Variants in KLHL1 observed in about 807,000 individuals in gnomAD.
KLHL1 encodes kelch like family member 1.
A neutral mutation model predicts 77.7 loss-of-function variants in KLHL1; 47 were observed. The observed-to-expected ratio is 0.60, with a 90% CI of 0.48 to 0.77. The LOEUF (loss-of-function observed/expected upper bound fraction) is 0.77. Among genes scored for constraint, KLHL1 ranks in the 30% least tolerant of loss-of-function variants. KLHL1 has a pLI of 0.00. For synonymous variants in KLHL1, 360 were observed against 325.2 expected, an observed-to-expected ratio of 1.11 and a Z score of -1.15; for missense variants, 925 against 910.8, an observed-to-expected ratio of 1.02 and a Z score of -0.20.
chr13:70,071,834 A>G (rs1404194605), intron 1 of KLHL1, among the ~76,000 whole-genome samples: 1 of 152,116 alleles, frequency 6.6e-6, no homozygotes, highest in Non-Finnish European at 1.5e-5. Flanking sequence ...AATACAGTAC[A>G]TACAGCAAAA....
intron 6 of KLHL1, among the ~76,000 whole-genome samples, chr13:69,807,223 T>C (rs185409773): frequency 3.6e-4 from 55 of 152,108 alleles, no homozygotes; most frequent in South Asian, 2.9e-3. Flanking sequence ...TCCCCATGGC[T>C]TCTTGTTGAC....
At chr13:70,070,838 G>A (rs1887121275) in intron 1 of KLHL1, among the ~76,000 whole-genome samples, 1 of 152,084 alleles carries the variant, frequency 6.6e-6, no homozygotes, top group Non-Finnish European at 1.5e-5. Context: ...GCAGTAGAGT[G>A]TTATTGCAAT....
chr13:69,735,863 A>G (rs1260018324), intron 8 of KLHL1, among the ~76,000 whole-genome samples: 1 of 152,014 alleles, frequency 6.6e-6, no homozygotes, highest in Admixed American at 6.6e-5. Context: ...AGGATAACTA[A>G]CTAAAAGAAA....
chr13:70,077,586 T>C (rs905852072), intron 1 of KLHL1, among the ~76,000 whole-genome samples: 1 of 151,968 alleles, frequency 6.6e-6, no homozygotes, highest in African/African-American at 2.4e-5. Flanking sequence ...AACCCATAGA[T>C]TTTGGATAAT....
chr13:70,072,333 T>C (rs1887155876), intron 1 of KLHL1, among the ~76,000 whole-genome samples: 1 of 152,164 alleles, frequency 6.6e-6, no homozygotes, highest in Middle Eastern at 3.2e-3. Context: ...AATGCCCAGA[T>C]GTTTTTACTG....
chr13:70,015,835 G>A (rs1266849857), intron 1 of KLHL1, among the ~76,000 whole-genome samples: 1 of 152,092 alleles, frequency 6.6e-6, no homozygotes, highest in Non-Finnish European at 1.5e-5. Context: ...TGTACAAACT[G>A]TATACATGTG....
intron 2 of KLHL1, among the ~76,000 whole-genome samples, chr13:69,966,818 A>G (rs2210442): frequency 0.99 from 151,446 of 152,222 alleles, 75,342 homozygotes; most frequent in East Asian, 1. Context: ...CTATGTCCAT[A>G]TAATCACAGC....
Position 69,764,929 on chromosome 13 carries a change from C to CTTTTTTTTTTTTTTTTTTTTTTT in KLHL1, c.1640-24396_1640-24374dup, listed in dbSNP as rs71196263. On this transcript the variant is annotated intron_variant, in intron 7 of 10. Transcript: ENST00000377844. ...TCTCATGCTTTCATGTATATCTTTGCTTTTTTTTTTTTTTTTTTTTTTTTT... is the reference window on the plus strand; with the variant it reads ...TCTCATGCTTTCATGTATATCTTTGCTTTTTTTTTTTTTTTTTTTTTTTTTTTTTTTTTTTTTTTTTTTTTTTT... Among the ~76,000 whole-genome samples the CTTTTTTTTTTTTTTTTTTTTTTT allele has an allele frequency of 2.9e-3, 114 of 39,726 alleles. 47 individuals are homozygous for CTTTTTTTTTTTTTTTTTTTTTTT. The highest frequency in any genetic ancestry group is 3.4e-3 in the Non-Finnish European group (77 of 22,406). The allele number at this position is 39,726 out of a possible 152,430, so 26.1% of individuals were successfully genotyped here.
chr13:69,711,664 C>T (rs940196947), intron 9 of KLHL1, among the ~76,000 whole-genome samples: 5 of 151,914 alleles, frequency 3.3e-5, no homozygotes, highest in Non-Finnish European at 7.4e-5. Context: ...TAATAATGTT[C>T]CTAATAAACA....
chr13:69,848,088 A>T (rs544925063), intron 5 of KLHL1, among the ~76,000 whole-genome samples: 1 of 151,654 alleles, frequency 6.6e-6, no homozygotes, highest in South Asian at 2.1e-4. Context: ...TTCCAGGAAC[A>T]CAATAAATAG....
chr13:70,075,559 G>A (rs1262216558), intron 1 of KLHL1, among the ~76,000 whole-genome samples: 9 of 91,368 alleles, frequency 9.9e-5, no homozygotes, highest in Non-Finnish European at 1.1e-4. Context: ...ATACCTGTGT[G>A]TGTGTATGTG....
intron 8 of KLHL1, among the ~76,000 whole-genome samples, chr13:69,731,682 T>C (rs1566191524): frequency 6.6e-6 from 1 of 152,208 alleles, no homozygotes; most frequent in Admixed American, 6.5e-5. Flanking sequence ...CAAGTAGCTA[T>C]TTGCTTTAGC....
intron 1 of KLHL1, among the ~76,000 whole-genome samples, chr13:70,092,704 TG>T (rs1887697520): frequency 6.6e-6 from 1 of 152,172 alleles, no homozygotes; most frequent in African/African-American, 2.4e-5. Context: ...TTGATCATGA[TG>T]TTATACTAAA....
intron 4 of KLHL1, among the ~76,000 whole-genome samples, chr13:69,929,164 C>T (rs1388962042): frequency 6.6e-6 from 1 of 151,878 alleles, no homozygotes; most frequent in Non-Finnish European, 1.5e-5. Flanking sequence ...ACCATTTTGG[C>T]GATCTTAAAC....
At chr13:70,046,979 G>T (rs918944940) in intron 1 of KLHL1, among the ~76,000 whole-genome samples, 1 of 152,100 alleles carries the variant, frequency 6.6e-6, no homozygotes, top group African/African-American at 2.4e-5. Context: ...AACTTATTCT[G>T]CAAATACTTA....
rs774355009 is a variant in KLHL1, at chr13:69,796,795, G to A, written c.1582C>T (p.Pro528Ser). 1.2e-6 allele frequency: 2 copies of A among 1,614,156 alleles called. No individual in the cohort carries two copies. The highest frequency in any genetic ancestry group is 1.7e-5 in the Admixed American group (1 of 60,018). ...AAGACAGTCCATGTCTTGGTTTTGG[G>A]ATTGTAACATTCAACAGTGTTCAAT... ...KTLNTVECYN[P>S]KTKTWTVLPP... Residue 528 changes from proline (P) to serine (S), a missense_variant, in exon 7 of 11, where the codon CCC (proline) becomes TCC (serine). Physicochemically the swap from Pro to Ser is moderately conservative, Grantham distance 74. Transcript: ENST00000377844.
intron 5 of KLHL1, among the ~76,000 whole-genome samples, chr13:69,858,816 GGAAAAGAGTAA>G (rs1339378131): frequency 1.3e-5 from 2 of 152,052 alleles, no homozygotes; most frequent in African/African-American, 4.8e-5. Context: ...TGCCAAGCAT[GGAAAAGAGTAA>G]GGCTATTTCA....
intron 3 of KLHL1, among the ~76,000 whole-genome samples, chr13:69,960,201 G>C (rs929507999): frequency 7.0e-6 from 1 of 143,308 alleles, no homozygotes; most frequent in Non-Finnish European, 1.5e-5. Flanking sequence ...AATCCTAAAA[G>C]AGGACAGAGT....
chr13:70,020,060 C>A (rs1379770555), intron 1 of KLHL1, among the ~76,000 whole-genome samples: 1 of 152,130 alleles, frequency 6.6e-6, no homozygotes, highest in East Asian at 1.9e-4. Flanking sequence ...CATATGCCAT[C>A]ACCTTGATCT....
Sources: allele counts gnomAD v4.1 joint callset (sites outside exome capture counted in the v4.1 genomes callset), GRCh38; gene constraint gnomAD v4.1.1; transcripts MANE v1.5; gene names NCBI Gene and HGNC (gene_info 2026-07-23, HGNC 2026-07-21).